RFNG: variants seen among roughly 807,000 people sequenced by gnomAD.
RFNG encodes the protein beta-1,3-N-acetylglucosaminyltransferase radical fringe.
RFNG carries 37 observed loss-of-function variants against 29.6 expected under a neutral mutation model. That is an observed-to-expected ratio of 1.25 (90% CI 0.96 to 1.65). The LOEUF (loss-of-function observed/expected upper bound fraction) is 1.65. RFNG is among the 40% of genes most tolerant of loss of function. RFNG has a pLI of 0.00. For missense variants in RFNG, 546 were observed against 457.0 expected (o/e 1.19, Z -1.78); for synonymous variants, 276 against 197.3 (o/e 1.40, Z -3.34).
chr17:82,049,284 G>A (rs774692692), intron 6 of RFNG, 168 bp from the exon 7 acceptor site: 1 of 711,550 alleles, frequency 1.4e-6, no homozygotes, highest in East Asian at 2.7e-5. Flanking sequence ...CTGAGTAGGG[G>A]GACACCTCAG....
intron 4 of RFNG, 90 bp from the exon 5 acceptor site, chr17:82,050,096 GC>G: frequency 8.6e-7 from 1 of 1,163,792 alleles, no homozygotes; most frequent in South Asian, 1.3e-5. Flanking sequence ...TTCTTAAGCT[GC>G]CCCTTAGGAG....
At position 82,049,962 on chromosome 17, in the gene RFNG, G is replaced by A. The variant is rs1238845547; in HGVS notation, c.618C>T (p.Phe206=). 1.9e-6 allele frequency: 3 copies of A among 1,612,560 alleles called. No homozygotes were observed. Among genetic ancestry groups the A allele is most frequent in the Admixed American group, 3.3e-5 (2 of 59,978 alleles). The change falls in exon 5 of 8, where the codon TTC becomes TTT. Residue 206 remains phenylalanine, a synonymous_variant. Transcript: ENST00000310496. ...TGAGGGCAAGGCCTCTGCTGAGGCA[G>A]AACCCGGCCCCACCAGTAGCAAACC... ...KFWFATGGAG[F]CLSRGLALKM...
In RFNG at chr17:82,051,619, G is replaced by A. The variant is rs1217495836; in HGVS notation, c.148C>T (p.Pro50Ser). The A allele has an allele frequency of 3.3e-6, 4 of 1,211,208 alleles. No individual in the cohort carries two copies. Among genetic ancestry groups the A allele is most frequent in the Middle Eastern group, 6.6e-4 (2 of 3,016 alleles). The allele number at this position is 1,211,208 out of a possible 1,614,324, so 75.0% of individuals were successfully genotyped here. A position where few individuals can be genotyped will look rare whatever the true frequency, so the allele number is the denominator to read the frequency against. Residue 50 changes from proline (P) to serine (S), a missense_variant, in exon 1 of 8, where the codon CCC becomes TCC. Pro to Ser is a moderately conservative substitution (Grantham distance 74). Coordinates refer to ENST00000310496, the MANE Select transcript of RFNG (RefSeq NM_002917.2). This position sits in a 1 kb window ranked among gnomAD's most constrained non-coding sequence, Gnocchi z 4.1. ...APAPRAPPSR[P>S]AAPSLRPDDV... ...TCAGGCCGCAGGCTGGGGGCAGCGGGCCGGGACGGGGGCGCGCGCGGGGCC... is the reference window on the plus strand; with the variant it reads ...TCAGGCCGCAGGCTGGGGGCAGCGGACCGGGACGGGGGCGCGCGCGGGGCC...
chr17:82,049,901 G>A lies in RFNG; in HGVS notation c.662+17C>T, dbSNP rs376625653. On this transcript the variant is annotated intron_variant, in intron 5 of 7. Coordinates refer to ENST00000310496, the MANE Select transcript of RFNG (RefSeq NM_002917.2). ...CAGCCTCCGCCTCCCAGCCCGGGCA[G>A]CTGGACCCCCACTCACCTGGCCCAT... The A allele has an allele frequency of 6.3e-5, 101 of 1,611,314 alleles. No individual in the cohort carries two copies. The highest frequency in any genetic ancestry group is 8.1e-5 in the Non-Finnish European group (96 of 1,179,286).
intron 2 of RFNG, 117 bp from the exon 3 acceptor site, chr17:82,050,881 A>C: frequency 7.1e-7 from 1 of 1,415,294 alleles, no homozygotes; most frequent in Non-Finnish European, 9.5e-7. Flanking sequence ...ACATGCCTGG[A>C]CACCTTGCCT....
chr17:82,049,512 C>T (rs1171819870), intron 6 of RFNG, 165 bp downstream of exon 6: 2 of 810,732 alleles, frequency 2.5e-6, no homozygotes, highest in Admixed American at 2.0e-5. Context: ...TACGTGAGGA[C>T]CCTGTGTCCA....
chr17:82,048,573 AG>A lies in RFNG; in HGVS notation c.*152del. The A allele has an allele frequency of 1.4e-5, 9 of 653,614 alleles. No homozygotes were observed. Among genetic ancestry groups the A allele is most frequent in the South Asian group, 6.8e-5 (4 of 58,904 alleles). The allele number at this position is 653,614 out of a possible 1,614,324, so 40.5% of individuals were successfully genotyped here. A position where few individuals can be genotyped will look rare whatever the true frequency, so the allele number is the denominator to read the frequency against. ...ACCGCAGCCCACCAGGGGCTGGGAG[AG>A]GGGGGGCTGCAGGCTAGCCAGAGGG... On this transcript the variant is annotated 3_prime_UTR_variant, in exon 8 of 8. Transcript: ENST00000310496.
In RFNG at chr17:82,051,487, G is replaced by A. The variant is rs1191242914; in HGVS notation, c.267+13C>T. On this transcript the variant is annotated intron_variant, in intron 1 of 7. Coordinates refer to ENST00000310496, the MANE Select transcript of RFNG (RefSeq NM_002917.2). The surrounding 1 kb of genome is among the most constrained non-coding windows in gnomAD (Gnocchi z 4.1). ...GGCGTGGGGCTCGCCGTCGGGGTCG[G>A]GGTCCGGCGCACCTGCTGGCGGGCC... 5 of 1,368,214 alleles carry A rather than the reference G, an allele frequency of 3.7e-6. No homozygotes were observed. In the Admixed American group the frequency reaches 1.1e-4, roughly 30 times the overall value. 84.8% of individuals were successfully genotyped at this position (1,368,214 alleles called of 1,614,324 possible). A position where few individuals can be genotyped will look rare whatever the true frequency, so the allele number is the denominator to read the frequency against.
rs2030498613 is a variant in RFNG at position 82,051,183 on chromosome 17, C to T, written c.316+111G>A. The T allele has an allele frequency of 7.7e-7, 1 of 1,301,796 alleles. No individual in the cohort carries two copies. Among genetic ancestry groups the T allele is most frequent in the African/African-American group, 1.5e-5 (1 of 64,714 alleles). The allele number at this position is 1,301,796 out of a possible 1,614,324, so 80.6% of individuals were successfully genotyped here. A position where few individuals can be genotyped will look rare whatever the true frequency, so the allele number is the denominator to read the frequency against. On this transcript the variant is annotated intron_variant, in intron 2 of 7. Transcript: ENST00000310496. The surrounding 1 kb of genome is among the most constrained non-coding windows in gnomAD (Gnocchi z 4.1). ...GCAGCGTCGGGGCCTCCCCGGGCCT[C>T]GGGAGCCTGGGCAGAGAAAGGCACC...
chr17:82,050,278 G>C, intron 4 of RFNG, 124 bp downstream of exon 4: 1 of 1,184,304 alleles, frequency 8.4e-7, no homozygotes, highest in South Asian at 1.5e-5. Flanking sequence ...AACCACCTGG[G>C]TGGATCAGCT....
chr17:82,050,055 CCT>C (rs755979598), intron 4 of RFNG, 49 bp from the exon 5 acceptor site: 6 of 1,474,238 alleles, frequency 4.1e-6, no homozygotes, highest in Admixed American at 1.9e-5. Flanking sequence ...GCTTCTCACC[CCT>C]GACTCTTCAT....
rs78233003 is a variant in RFNG at position 82,049,001 on chromosome 17, G to A, written c.914+30C>T. ...CTGATGCCAGAGCCCCTGCGGGGCC[G>A]AGGGCCTGCCCATGCCACTACCTAC... On this transcript the variant is annotated intron_variant, in intron 7 of 7. Coordinates refer to ENST00000310496, the MANE Select transcript of RFNG (RefSeq NM_002917.2). 985 of 1,602,744 alleles carry A rather than the reference G, an allele frequency of 6.1e-4. 1 individual carries two copies. The African/African-American group carries it at 0.011, about 18-fold the overall frequency.
rs752328447 is a variant in RFNG, at chr17:82,050,376, C to T, written c.573+26G>A. On this transcript the variant is annotated intron_variant, in intron 4 of 7. Transcript: ENST00000310496. ...GCTGGTGTCAAGGAAGGCGTCTGCTCCGATGGCGTCTGCTCCGACACTCAC... is the reference window on the plus strand; with the variant it reads ...GCTGGTGTCAAGGAAGGCGTCTGCTTCGATGGCGTCTGCTCCGACACTCAC... 7.1e-6 allele frequency: 11 copies of T among 1,542,986 alleles called. No individual in the cohort carries two copies. In the South Asian group the frequency reaches 1.1e-4, roughly 15 times the overall value.
Position 82,050,349 on chromosome 17 carries a change from G to C in RFNG, c.573+53C>G, listed in dbSNP as rs143531378. 5 of 1,516,718 alleles carry C rather than the reference G, an allele frequency of 3.3e-6. No individual in the cohort carries two copies. The African/African-American group carries it at 7.0e-5, about 21-fold the overall frequency. 94.0% of individuals were successfully genotyped at this position (1,516,718 alleles called of 1,614,324 possible). A position where few individuals can be genotyped will look rare whatever the true frequency, so the allele number is the denominator to read the frequency against. On this transcript the variant is annotated intron_variant, in intron 4 of 7. Transcript: ENST00000310496. Reference sequence around the variant, plus strand: ...TTCCACGCCCTCTGCTGTGCCTCCCGGGCTGGTGTCAAGGAAGGCGTCTGC... The same window carrying C: ...TTCCACGCCCTCTGCTGTGCCTCCCCGGCTGGTGTCAAGGAAGGCGTCTGC...
chr17:82,051,379 T>TA lies in RFNG; in HGVS notation c.268-38_268-37insT. ...ACAATCTATGAGGCTTCTGGGGCGC[T>TA]GCCCAGGCCGGAGACCGACCCGCCC... is the stretch of plus-strand genomic sequence containing the variant. On this transcript the variant is annotated intron_variant, in intron 1 of 7. Transcript: ENST00000310496. The surrounding 1 kb of genome is among the most constrained non-coding windows in gnomAD (Gnocchi z 4.1). 6.9e-7 allele frequency: 1 copy of TA among 1,439,372 alleles called. No individual in the cohort carries two copies. Among genetic ancestry groups the TA allele is most frequent in the Non-Finnish European group, 9.1e-7 (1 of 1,102,730 alleles). 89.2% of individuals were successfully genotyped at this position (1,439,372 alleles called of 1,614,324 possible).
intron 2 of RFNG, 77 bp from the exon 3 acceptor site, chr17:82,050,841 C>T: frequency 6.6e-7 from 1 of 1,510,528 alleles, no homozygotes; most frequent in South Asian, 1.2e-5. Context: ...CCACCTGCCC[C>T]CAAGGGCCAG....
At position 82,051,161 on chromosome 17, in the gene RFNG, G is replaced by A; in HGVS notation, c.316+133C>T. Reference sequence around the variant, plus strand: ...CTCCGCAGGCCGCGTGACCTGGGCAGCGTCGGGGCCTCCCCGGGCCTCGGG... The same window carrying A: ...CTCCGCAGGCCGCGTGACCTGGGCAACGTCGGGGCCTCCCCGGGCCTCGGG... On this transcript the variant is annotated intron_variant, in intron 2 of 7. Transcript: ENST00000310496. The surrounding 1 kb of genome is among the most constrained non-coding windows in gnomAD (Gnocchi z 4.1). 3.1e-6 allele frequency: 4 copies of A among 1,307,386 alleles called. No homozygotes were observed. Among genetic ancestry groups the A allele is most frequent in the Non-Finnish European group, 3.9e-6 (4 of 1,027,432 alleles). The allele number at this position is 1,307,386 out of a possible 1,614,324, so 81.0% of individuals were successfully genotyped here. A position where few individuals can be genotyped will look rare whatever the true frequency, so the allele number is the denominator to read the frequency against.
rs931541025 is a variant in RFNG, at chr17:82,050,666, G to A, written c.415C>T (p.Arg139Cys). ...GGTCGGGTCAGCGCCGCGTACTTGC[G>A]CCCGGACTCAATGAACTTGTCATAC... ...VEYDKFIESG[R>C]KWFCHVDDDN... Residue 139 changes from arginine (R) to cysteine (C), a missense_variant, in exon 3 of 8, where the codon CGC (arginine) becomes TGC (cysteine). By Grantham distance (180) the Arg-to-Cys change is radical. Transcript: ENST00000310496. 5.0e-6 allele frequency: 8 copies of A among 1,612,930 alleles called. No homozygotes were observed. The East Asian group carries it at 6.7e-5, about 13-fold the overall frequency.
In RFNG at chr17:82,051,584, G is replaced by A. The variant is rs1234971164; in HGVS notation, c.183C>T (p.Phe61=). 1 of 1,335,954 alleles carries A rather than the reference G, an allele frequency of 7.5e-7. No homozygotes were observed. The allele number at this position is 1,335,954 out of a possible 1,614,324, so 82.8% of individuals were successfully genotyped here. The change falls in exon 1 of 8, where the codon TTC becomes TTT. Residue 61 remains phenylalanine, a synonymous_variant. Coordinates refer to ENST00000310496, the MANE Select transcript of RFNG (RefSeq NM_002917.2). The surrounding 1 kb of genome is among the most constrained non-coding windows in gnomAD (Gnocchi z 4.1). ...AAPSLRPDDV[F]IAVKTTRKNH... The stretch of plus-strand genomic sequence containing the variant: ...TCTTCCGGGTGGTCTTGACGGCGAT[G>A]AAGACGTCGTCAGGCCGCAGGCTGG...
Sources: gnomAD v4.1 joint callset for allele counts on GRCh38, gnomAD v4.1.1 for gene constraint, Gnocchi (gnomAD v3.1) non-coding constraint, MANE v1.5 for transcripts, NCBI Gene and HGNC (gene_info 2026-07-23, HGNC 2026-07-21) for gene names.